The following COL24A1 variants were observed in gnomAD, a reference collection of about 807,000 sequenced individuals.
COL24A1 encodes collagen type XXIV alpha 1 chain, also known as collagen alpha-1(XXIV) chain.
A neutral mutation model predicts 253.9 loss-of-function variants in COL24A1; 224 were observed. The ratio of observed to expected loss-of-function variants is 0.88; its 90% CI spans 0.79 to 0.99. The LOEUF is 0.99. Among genes scored for constraint, COL24A1 ranks in the 50% least tolerant of loss-of-function variants. The pLI is 0.00. For synonymous variants in COL24A1, 685 were observed against 673.7 expected (o/e 1.02, Z -0.26); for missense variants, 2,131 against 2,068.5 (o/e 1.03, Z -0.59).
Position 86,146,203 on chromosome 1 carries a change from T to C in COL24A1, c.57-20A>G. 6.2e-7 allele frequency: 1 copy of C among 1,603,508 alleles called. No homozygotes were observed. The highest frequency in any genetic ancestry group is 8.5e-7 in the Non-Finnish European group (1 of 1,174,188). The stretch of plus-strand genomic sequence containing the variant: ...GATTTCCTAGGAAAAGAAAAAAGCA[T>C]TTGGGAAAAACTTACTAGTTGGACA... On this transcript the variant is annotated intron_variant, in intron 1 of 59. Transcript: ENST00000370571.
At chr1:85,890,769 A>G (rs2102749661) in intron 31 of COL24A1, among the ~76,000 whole-genome samples, 1 of 152,288 alleles carries the variant, frequency 6.6e-6, no homozygotes, top group East Asian at 1.9e-4. Flanking sequence ...TGATGTGTTA[A>G]TAAGTATGAC....
chr1:85,933,090 A>G (rs1558708122), intron 24 of COL24A1, among the ~76,000 whole-genome samples: 1 of 67,532 alleles, frequency 1.5e-5, no homozygotes, highest in South Asian at 4.2e-4. Context: ...AGTATAATAA[A>G]AAAAAAAAAA....
chr1:86,115,040 A>G (rs1381039502), intron 4 of COL24A1, among the ~76,000 whole-genome samples: 1 of 152,168 alleles, frequency 6.6e-6, no homozygotes, highest in East Asian at 1.9e-4. Flanking sequence ...CGATCACTTT[A>G]TAAGTAAGAA....
intron 1 of COL24A1, chr1:86,154,949 C>T (rs974863085): frequency 3.9e-5 from 6 of 152,456 alleles, no homozygotes; most frequent in Admixed American, 6.5e-5. Flanking sequence ...ACCCCCGACT[C>T]TCCAGGCTGG....
In COL24A1 at chr1:86,126,193, A is replaced by C; in HGVS notation, c.143T>G (p.Leu48Arg). 6.3e-7 allele frequency: 1 copy of C among 1,597,436 alleles called. No individual in the cohort carries two copies. Among genetic ancestry groups the C allele is most frequent in the Non-Finnish European group, 8.5e-7 (1 of 1,176,918 alleles). ...TCTTACGTCTTTGCCTCCAAGGCCT[A>C]GTTGATGAAGAATATCTATGCCTGG... ...QEQGIDILHQ[L>R]GLGGKDVRHS... Residue 48 changes from leucine (L) to arginine (R), a missense_variant, in exon 3 of 60, where the codon CTA (leucine) becomes CGA (arginine). Leu to Arg is a moderately radical substitution (Grantham distance 102, BLOSUM62 -2). Transcript: ENST00000370571.
At chr1:85,865,715 T>C (rs185237736) in intron 37 of COL24A1, among the ~76,000 whole-genome samples, 105 of 152,354 alleles carry the variant, frequency 6.9e-4, no homozygotes, top group Non-Finnish European at 1.2e-3. Context: ...GTTGATTTTT[T>C]AAATATACAT....
rs1439899483 is a variant in COL24A1, at chr1:86,125,218, A to T, written c.1118T>A (p.Met373Lys). Residue 373 changes from methionine to lysine, a missense_variant, in exon 3 of 60, where the codon ATG (methionine) becomes AAG (lysine). Coordinates refer to ENST00000370571, the MANE Select transcript of COL24A1 (RefSeq NM_152890.7). ...TKEKFSSLLN[M>K]SDNITQHDDR... Reference sequence around the variant, plus strand: ...ATCATGTTGTGTGATATTGTCAGACATGTTTAGGAGAGAGCTAAATTTCTC... The same window carrying T: ...ATCATGTTGTGTGATATTGTCAGACTTGTTTAGGAGAGAGCTAAATTTCTC... 3 of 1,613,652 alleles carry T rather than the reference A, an allele frequency of 1.9e-6. No homozygotes were observed. The East Asian group carries it at 6.7e-5, about 36-fold the overall frequency.
intron 24 of COL24A1, among the ~76,000 whole-genome samples, chr1:85,919,040 C>CT (rs967529771): frequency 6.6e-5 from 10 of 151,398 alleles, no homozygotes; most frequent in Non-Finnish European, 7.4e-5. Flanking sequence ...ATATGTACCA[C>CT]TTTTTTTTTA....
Position 85,761,578 on chromosome 1 carries a change from G to A in COL24A1, c.4375-12C>T, listed in dbSNP as rs747797566. The A allele has an allele frequency of 1.9e-6, 3 of 1,613,956 alleles. No individual in the cohort carries two copies. The Admixed American group carries it at 5.0e-5, about 27-fold the overall frequency. Reference sequence around the variant, plus strand: ...GGTCCTTGAGGACCCTGGAAGAAATGGAGACAAACACAAGACCTATATATT... The same window carrying A: ...GGTCCTTGAGGACCCTGGAAGAAATAGAGACAAACACAAGACCTATATATT... On this transcript the variant is annotated splice_polypyrimidine_tract_variant and intron_variant, in intron 53 of 59. Transcript: ENST00000370571.
In COL24A1 at chr1:86,126,038, C is replaced by T. The variant is rs375692742; in HGVS notation, c.298G>A (p.Val100Ile). The part of the protein sequence containing the change: ...IETPFVKILP[V>I]NLGQPFTILT... The stretch of plus-strand genomic sequence containing the variant: ...ATTGTAAACGGCTGCCCCAAGTTGA[C>T]TGGTAAAATTTTCACGAAAGGTGTC... Residue 100 changes from valine (V) to isoleucine (I), a missense_variant, in exon 3 of 60, where the codon GTC (valine) becomes ATC (isoleucine). Coordinates refer to ENST00000370571, the MANE Select transcript of COL24A1 (RefSeq NM_152890.7). The T allele has an allele frequency of 2.4e-5, 39 of 1,613,486 alleles. No homozygotes were observed. In the African/African-American group the frequency reaches 4.5e-4, roughly 19 times the overall value.
intron 5 of COL24A1, among the ~76,000 whole-genome samples, chr1:86,094,335 C>A (rs144453723): frequency 1.3e-3 from 195 of 152,142 alleles, no homozygotes; most frequent in African/African-American, 4.5e-3. Context: ...AGATCATGTC[C>A]TTTATAGGGA....
chr1:85,985,334 T>C (rs1571477895), intron 20 of COL24A1, among the ~76,000 whole-genome samples: 1 of 151,812 alleles, frequency 6.6e-6, no homozygotes, highest in African/African-American at 2.4e-5. Context: ...TTTGGCACTC[T>C]AAATAGTTTG....
intron 4 of COL24A1, among the ~76,000 whole-genome samples, chr1:86,114,021 T>C (rs1705880260): frequency 6.6e-6 from 1 of 152,006 alleles, no homozygotes; most frequent in Non-Finnish European, 1.5e-5. Flanking sequence ...TTCACAAAGC[T>C]CAGTAGTACA....
At chr1:86,072,834 C>G (rs368889400) in intron 7 of COL24A1, among the ~76,000 whole-genome samples, 116 of 152,282 alleles carry the variant, frequency 7.6e-4, no homozygotes, top group African/African-American at 2.5e-3. Context: ...TGGTGATACC[C>G]AGGCAAACAG....
chr1:86,148,472 T>C (rs1167154136), intron 1 of COL24A1, among the ~76,000 whole-genome samples: 1 of 152,086 alleles, frequency 6.6e-6, no homozygotes, highest in East Asian at 1.9e-4. Flanking sequence ...TAGCATGAGG[T>C]ATATCTCCCA....
chr1:85,766,483 T>C (rs1412074369), intron 53 of COL24A1, among the ~76,000 whole-genome samples: 1 of 150,190 alleles, frequency 6.7e-6, no homozygotes, highest in Non-Finnish European at 1.5e-5. Context: ...GGAGCAAGTA[T>C]AGAACAGAAA....
chr1:85,873,097 C>G (rs1680724096), intron 35 of COL24A1, among the ~76,000 whole-genome samples: 1 of 152,184 alleles, frequency 6.6e-6, no homozygotes. Context: ...CTCATCATCA[C>G]TGGCCATCAG....
chr1:85,982,082 C>G (rs1287424140), intron 20 of COL24A1, among the ~76,000 whole-genome samples: 1 of 152,044 alleles, frequency 6.6e-6, no homozygotes, highest in South Asian at 2.1e-4. Context: ...GAATATTATT[C>G]AGCCATAAAA....
chr1:85,810,569 G>C (rs748427115), intron 47 of COL24A1, among the ~76,000 whole-genome samples: 1 of 152,082 alleles, frequency 6.6e-6, no homozygotes, highest in Non-Finnish European at 1.5e-5. Flanking sequence ...GTAATCCCCA[G>C]TGCAGGAGGT....
Sources: gnomAD v4.1 joint callset for allele counts (sites outside exome capture counted in the v4.1 genomes callset) on GRCh38, gnomAD v4.1.1 for gene constraint, MANE v1.5 for transcripts, NCBI Gene and HGNC (gene_info 2026-07-23, HGNC 2026-07-21) for gene names.